Variants in SYCE1 observed in about 807,000 individuals in gnomAD.
The protein encoded by SYCE1 is synaptonemal complex central element protein 1, also known as cancer/testis antigen 76.
In SYCE1, 37 loss-of-function variants were observed where a neutral mutation model predicts 55.1. That is an observed-to-expected ratio of 0.67 (90% confidence interval 0.52 to 0.88). SYCE1 has a LOEUF of 0.88. Ranked by LOEUF, SYCE1 falls within the 40% of genes least tolerant of loss-of-function variation. SYCE1 has a pLI of 0.00. For synonymous variants in SYCE1, 163 were observed against 159.4 expected (o/e 1.02, Z -0.17); for missense variants, 399 against 416.4 (o/e 0.96, Z 0.36).
At chr10:133,567,939 C>A (rs11101846), upstream of SYCE1, 1 of 552,456 alleles carries the variant, frequency 1.8e-6, no homozygotes, top group Non-Finnish European at 3.4e-6. Context: ...ATGGGCAGGA[C>A]GGTGGATGGC....
At chr10:133,560,199 G>T in intron 1 of SYCE1, 46 bp from the exon 2 acceptor site, 2 of 1,575,202 alleles carry the variant, frequency 1.3e-6, no homozygotes, top group Non-Finnish European at 1.7e-6. Flanking sequence ...AGGGCGAGAG[G>T]CCACCCCTGG....
intron 8 of SYCE1, chr10:133,556,449 C>A (rs1851684884): frequency 3.8e-6 from 2 of 530,396 alleles, no homozygotes; most frequent in African/African-American, 3.8e-5. Flanking sequence ...TGTTCAGTGC[C>A]TAGGATCCTC....
At chr10:133,559,566 C>T (rs541314546) in intron 2 of SYCE1, 9 of 571,224 alleles carry the variant, frequency 1.6e-5, no homozygotes, top group East Asian at 3.0e-5. Flanking sequence ...CTGCGGTAAC[C>T]GTGTTCAAGA....
intron 1 of SYCE1, 151 bp downstream of exon 1, chr10:133,565,306 T>C (rs1851900651): frequency 1.6e-6 from 1 of 644,408 alleles, no homozygotes; most frequent in Non-Finnish European, 2.5e-6. Flanking sequence ...CACTCCCTCA[T>C]CTTGGCCGAA....
At position 133,557,857 on chromosome 10, in the gene SYCE1, C is replaced by T; in HGVS notation, c.374+7G>A. 6.2e-7 allele frequency: 1 copy of T among 1,614,120 alleles called. No individual in the cohort carries two copies. The highest frequency in any genetic ancestry group is 2.2e-5 in the East Asian group (1 of 44,884). On this transcript the variant is annotated splice_region_variant and intron_variant, in intron 6 of 12. Transcript: ENST00000343131. ...GTGCAGAGTTAGGCTCAGCTGGAAG[C>T]TCTTACCTGTGTGCCTCACTTTCCT...
chr10:133,566,732 C>T (rs78453148), upstream of SYCE1, among the ~76,000 whole-genome samples: 1,869 of 144,586 alleles, frequency 0.013, no homozygotes, highest in African/African-American at 0.046. Context: ...GTTAGGGTTA[C>T]GTGTTGGGGT....
At chr10:133,568,263 G>C, upstream of SYCE1, 2 of 1,420,110 alleles carry the variant, frequency 1.4e-6, no homozygotes, top group Non-Finnish European at 1.9e-6. Flanking sequence ...CGCGTTCCCC[G>C]GGTCCCGCGG....
chr10:133,556,359 C>T (rs3827687), intron 8 of SYCE1: 55,523 of 534,334 alleles, frequency 0.1, 3,644 homozygotes, highest in East Asian at 0.26. Flanking sequence ...TTTAGCTCTG[C>T]AGCTCCTCCC....
At chr10:133,567,548 G>A (rs568571654), upstream of SYCE1, among the ~76,000 whole-genome samples, 8 of 152,094 alleles carry the variant, frequency 5.3e-5, no homozygotes, top group African/African-American at 1.9e-4. Context: ...CTGGGCAGGT[G>A]GTTAGCACCT....
intron 6 of SYCE1, 49 bp from the exon 7 acceptor site, chr10:133,557,205 G>A: frequency 6.5e-7 from 1 of 1,528,688 alleles, no homozygotes; most frequent in African/African-American, 1.4e-5. Flanking sequence ...AGCCCCAGGA[G>A]GGCACTGGGC....
Position 133,554,889 on chromosome 10 carries a change from T to C in SYCE1, c.*103A>G. On this transcript the variant is annotated 3_prime_UTR_variant, in exon 13 of 13. Coordinates refer to ENST00000343131, the MANE Select transcript of SYCE1 (RefSeq NM_001143764.3). ...TTATTGAAAACCTGTGATGTACCTC[T>C]GGCCCAGACCAAGAGGCAGAGTCAA... 6.8e-7 allele frequency: 1 copy of C among 1,462,746 alleles called. No homozygotes were observed. Among genetic ancestry groups the C allele is most frequent in the South Asian group, 1.5e-5 (1 of 67,892 alleles). 90.6% of individuals were successfully genotyped at this position (1,462,746 alleles called of 1,614,324 possible).
Position 133,555,003 on chromosome 10 carries a change from C to T in SYCE1, c.1045G>A (p.Glu349Lys), listed in dbSNP as rs992972368. 3 of 1,548,348 alleles carry T rather than the reference C, an allele frequency of 1.9e-6. No individual in the cohort carries two copies. The African/African-American group carries it at 4.1e-5, about 21-fold the overall frequency. Residue 349 changes from glutamate to lysine, a missense_variant, in exon 13 of 13, where the codon GAG (glutamate) becomes AAG (lysine). Glu to Lys is a moderately conservative substitution (Grantham distance 56, BLOSUM62 1). Coordinates refer to ENST00000343131, the MANE Select transcript of SYCE1 (RefSeq NM_001143764.3). ...LSPRGFQEIK[E>K]LF ...TAGACTTAGCTGTATCAAAATAGCT[C>T]CTTTATTTCCTGAAAGCCCCTTGGG...
intron 1 of SYCE1, among the ~76,000 whole-genome samples, chr10:133,564,699 A>AG (rs1395040270): frequency 6.6e-6 from 1 of 152,234 alleles, no homozygotes; most frequent in East Asian, 1.9e-4. Context: ...TTTTAACTCA[A>AG]GGGGGACAGA....
At chr10:133,567,990 G>T (rs1171601923), upstream of SYCE1, 4 of 592,918 alleles carry the variant, frequency 6.7e-6, no homozygotes, top group Admixed American at 2.2e-5. Flanking sequence ...ACCCACTGGG[G>T]CTCCAAGACT....
At chr10:133,564,293 G>T in intron 1 of SYCE1, 1 of 740,122 alleles carries the variant, frequency 1.4e-6, no homozygotes, top group Non-Finnish European at 1.6e-6. Context: ...ACCAGACGCT[G>T]AATTGCACCT....
rs370894765 is a variant in SYCE1 at position 133,558,869 on chromosome 10, T to C, written c.271+8A>G. ...TGGGGACCTCTGGGTGACCCCCGGC[T>C]CTCTTACGCGAGTCCAGTTCCTTCT... On this transcript the variant is annotated splice_region_variant and intron_variant, in intron 4 of 12. Coordinates refer to ENST00000343131, the MANE Select transcript of SYCE1 (RefSeq NM_001143764.3). 1 of 1,613,366 alleles carries C rather than the reference T, an allele frequency of 6.2e-7. No individual in the cohort carries two copies. The highest frequency in any genetic ancestry group is 1.3e-5 in the African/African-American group (1 of 74,818).
intron 4 of SYCE1, 139 bp downstream of exon 4, chr10:133,558,737 GA>G: frequency 6.3e-6 from 5 of 791,846 alleles, no homozygotes; most frequent in Admixed American, 2.8e-5. Context: ...GCAGAGAGGA[GA>G]GGGGGAGATT....
At chr10:133,564,277 G>T in intron 1 of SYCE1, 1 of 533,634 alleles carries the variant, frequency 1.9e-6, no homozygotes, top group Non-Finnish European at 2.4e-6. Flanking sequence ...CAGGAAGCAG[G>T]CCCCCACCAG....
At chr10:133,565,680 T>G (rs1851916436), upstream of SYCE1, 2 of 739,298 alleles carry the variant, frequency 2.7e-6, no homozygotes, top group African/African-American at 1.8e-5. Context: ...CCGGCAGGCC[T>G]GCGTGGCACT....
Sources: gnomAD v4.1 joint callset for allele counts (sites outside exome capture counted in the v4.1 genomes callset) on GRCh38, gnomAD v4.1.1 for gene constraint, MANE v1.5 for transcripts, NCBI Gene and HGNC (gene_info 2026-07-23, HGNC 2026-07-21) for gene names.